Variants in PAPPA2 observed in about 807,000 individuals in gnomAD.
PAPPA2 encodes pappalysin-2.
A neutral mutation model predicts 176.4 loss-of-function variants in PAPPA2; 86 were observed. That is an observed-to-expected ratio of 0.49 (90% CI 0.41 to 0.58). The LOEUF (loss-of-function observed/expected upper bound fraction) is 0.58. Among genes scored for constraint, PAPPA2 ranks in the 20% least tolerant of loss-of-function variants. PAPPA2 has a pLI of 0.00. For missense variants in PAPPA2, 2,073 were observed against 2,256.9 expected, an observed-to-expected ratio of 0.92 and a Z score of 1.65; for synonymous variants, 809 against 852.2, an observed-to-expected ratio of 0.95 and a Z score of 0.88.
intron 14 of PAPPA2, among the ~76,000 whole-genome samples, chr1:176,756,689 G>A (rs1663436302): frequency 6.6e-6 from 1 of 151,992 alleles, no homozygotes; most frequent in South Asian, 2.1e-4. Flanking sequence ...AAAGACAGGG[G>A]CCCTGTAGAT....
At chr1:176,682,425 A>G (rs896662373) in intron 4 of PAPPA2, among the ~76,000 whole-genome samples, 11 of 152,190 alleles carry the variant, frequency 7.2e-5, no homozygotes, top group African/African-American at 2.2e-4. Context: ...CTTGTCATTG[A>G]CAAGGTAGTA....
chr1:176,700,645 A>C (rs1002261555), intron 8 of PAPPA2, among the ~76,000 whole-genome samples: 1 of 152,200 alleles, frequency 6.6e-6, no homozygotes, highest in African/African-American at 2.4e-5. Context: ...GCAAGCCCCA[A>C]ATGCTTACAC....
Position 176,632,229 on chromosome 1 carries a change from A to ATGTGTG in PAPPA2, c.1991+36663_1991+36668dup, listed in dbSNP as rs56939950. ...GGTTGAAGACCAATAATTAGTAGTG[A>ATGTGTG]TGTGTGTGTGTGTGTGTGTGTGTGT... On this transcript the variant is annotated intron_variant, in intron 3 of 22. Coordinates refer to ENST00000367662, the MANE Select transcript of PAPPA2 (RefSeq NM_020318.3). 5.7e-3 allele frequency among the ~76,000 whole-genome samples: 834 copies of ATGTGTG among 145,524 alleles called. 8 individuals carry two copies. The highest frequency in any genetic ancestry group is 0.019 in the African/African-American group (737 of 39,808).
rs189348707 is a variant in PAPPA2 at position 176,584,890 on chromosome 1, C to T, written c.920-9634C>T. Among the ~76,000 whole-genome samples the T allele has an allele frequency of 1.7e-3, 262 of 152,088 alleles. 1 individual carries two copies. The highest frequency in any genetic ancestry group is 6.0e-3 in the African/African-American group (250 of 41,510). ...CTGGGATTACAGGTGCCCAGCAGCA[C>T]GCCTGGCTAATTTTTGTATTTTGTA... is the stretch of plus-strand genomic sequence containing the variant. On this transcript the variant is annotated intron_variant, in intron 2 of 22. Coordinates refer to ENST00000367662, the MANE Select transcript of PAPPA2 (RefSeq NM_020318.3).
chr1:176,633,375 A>G (rs1412818273), intron 3 of PAPPA2, among the ~76,000 whole-genome samples: 1 of 152,202 alleles, frequency 6.6e-6, no homozygotes, highest in Non-Finnish European at 1.5e-5. Context: ...CATAGGATCA[A>G]GGGACAGCAA....
intron 2 of PAPPA2, among the ~76,000 whole-genome samples, chr1:176,569,419 C>G (rs1340932077): frequency 6.6e-6 from 1 of 152,250 alleles, no homozygotes; most frequent in Non-Finnish European, 1.5e-5. Context: ...ACATCTCTTT[C>G]AGGAACTCTT....
At chr1:176,504,422 A>T (rs1648134968) in intron 1 of PAPPA2, among the ~76,000 whole-genome samples, 2 of 152,128 alleles carry the variant, frequency 1.3e-5, no homozygotes, top group Admixed American at 6.6e-5. Context: ...AAAGTATGTT[A>T]TATACACTAT....
At chr1:176,724,776 G>A (rs1029365446) in intron 12 of PAPPA2, among the ~76,000 whole-genome samples, 1 of 152,086 alleles carries the variant, frequency 6.6e-6, no homozygotes, top group South Asian at 2.1e-4. Context: ...CCTAACACCA[G>A]GCGTCAAAGA....
chr1:176,735,697 TATCTATCTATC>T (rs1662372678), intron 12 of PAPPA2, among the ~76,000 whole-genome samples: 3 of 136,866 alleles, frequency 2.2e-5, no homozygotes, highest in Admixed American at 7.4e-5. Context: ...TCTATCTATC[TATCTATCTATC>T]TATCTATCTA....
At chr1:176,644,841 C>T (rs1386312065) in intron 3 of PAPPA2, among the ~76,000 whole-genome samples, 2 of 151,676 alleles carry the variant, frequency 1.3e-5, no homozygotes, top group African/African-American at 4.8e-5. Flanking sequence ...AAGAAAAGGA[C>T]ACAGGAAAAT....
intron 15 of PAPPA2, 57 bp downstream of exon 15, chr1:176,765,894 C>A: frequency 6.3e-7 from 1 of 1,579,382 alleles, no homozygotes; most frequent in Non-Finnish European, 8.6e-7. Context: ...GAGGTATTCA[C>A]ACTCTTCTCT....
intron 14 of PAPPA2, among the ~76,000 whole-genome samples, chr1:176,764,099 A>G (rs1663821008): frequency 6.6e-6 from 1 of 152,150 alleles, no homozygotes; most frequent in Non-Finnish European, 1.5e-5. Context: ...TTACAGTGAG[A>G]ACTAATTCAG....
rs116640170 is a variant in PAPPA2 at position 176,713,561 on chromosome 1, C to T, written c.3798+1580C>T. 8.1e-4 allele frequency among the ~76,000 whole-genome samples: 123 copies of T among 152,206 alleles called. 1 individual carries two copies. Among genetic ancestry groups the T allele is most frequent in the African/African-American group, 2.7e-3 (112 of 41,528 alleles). On this transcript the variant is annotated intron_variant, in intron 12 of 22. Transcript: ENST00000367662. ...CCAAATAATTTAAATGTTTAGCTACCAGTGAGCTTCCTTTCCTGTCATTTT... is the reference window on the plus strand; with the variant it reads ...CCAAATAATTTAAATGTTTAGCTACTAGTGAGCTTCCTTTCCTGTCATTTT...
intron 3 of PAPPA2, among the ~76,000 whole-genome samples, chr1:176,600,472 C>T (rs950442162): frequency 5.3e-5 from 8 of 151,530 alleles, no homozygotes; most frequent in Non-Finnish European, 8.8e-5. Context: ...GTCAGGAGAT[C>T]GAGACCATCC....
intron 3 of PAPPA2, among the ~76,000 whole-genome samples, chr1:176,608,199 C>A (rs1398802696): frequency 2.6e-5 from 4 of 152,180 alleles, no homozygotes; most frequent in African/African-American, 9.7e-5. Flanking sequence ...AAACATTAGG[C>A]ATTTAAAAAT....
At chr1:176,744,319 C>A (rs1662811623) in intron 14 of PAPPA2, among the ~76,000 whole-genome samples, 1 of 152,036 alleles carries the variant, frequency 6.6e-6, no homozygotes, top group Non-Finnish European at 1.5e-5. Flanking sequence ...TTATTTTTAA[C>A]CTTTCTCTGT....
chr1:176,483,754 C>A (rs1652518100), intron 1 of PAPPA2, among the ~76,000 whole-genome samples: 1 of 152,094 alleles, frequency 6.6e-6, no homozygotes, highest in Admixed American at 6.5e-5. Context: ...CAGGCATGAG[C>A]CACCACACCC....
At chr1:176,788,066 A>G (rs1351714393) in intron 17 of PAPPA2, among the ~76,000 whole-genome samples, 1 of 152,108 alleles carries the variant, frequency 6.6e-6, no homozygotes, top group Non-Finnish European at 1.5e-5. Context: ...ATCTCAGAAA[A>G]AAAAAGAAAA....
intron 3 of PAPPA2, among the ~76,000 whole-genome samples, chr1:176,610,790 G>A (rs1432824817): frequency 6.6e-6 from 1 of 152,174 alleles, no homozygotes; most frequent in Non-Finnish European, 1.5e-5. Context: ...TTTAAAAAGA[G>A]TCACAATGGC....
Sources: gnomAD v4.1 joint callset for allele counts (sites outside exome capture counted in the v4.1 genomes callset) on GRCh38, gnomAD v4.1.1 for gene constraint, MANE v1.5 for transcripts, NCBI Gene and HGNC (gene_info 2026-07-23, HGNC 2026-07-21) for gene names.